Variants in PPA2 observed in about 807,000 individuals in gnomAD.
PPA2 encodes inorganic pyrophosphatase 2, mitochondrial.
In PPA2, 48 loss-of-function variants were observed where a neutral mutation model predicts 49.5. The ratio of observed to expected loss-of-function variants is 0.97; its 90% confidence interval spans 0.77 to 1.23. The LOEUF is 1.23. Among genes scored for constraint, PPA2 ranks in the 50% most tolerant of loss-of-function variants. The probability of loss-of-function intolerance (pLI) is 0.00; values close to 1 mark genes in which losing one functional copy is unlikely to be tolerated. For missense variants in PPA2, 429 were observed against 410.1 expected (o/e 1.05, Z -0.40); for synonymous variants, 131 against 139.9 (o/e 0.94, Z 0.45).
At chr4:105,378,517 A>G (rs1331815640) in intron 10 of PPA2, among the ~76,000 whole-genome samples, 2 of 152,098 alleles carry the variant, frequency 1.3e-5, no homozygotes, top group Non-Finnish European at 2.9e-5. Flanking sequence ...TAATTTTCAA[A>G]TATTTTCTTG....
intron 5 of PPA2, among the ~76,000 whole-genome samples, chr4:105,445,848 G>A (rs1722358518): frequency 6.6e-6 from 1 of 151,976 alleles, no homozygotes. Flanking sequence ...TTCTCCAACA[G>A]GAATGCTACC....
At chr4:105,455,368 C>T (rs1215267353) in intron 2 of PPA2, among the ~76,000 whole-genome samples, 1 of 152,112 alleles carries the variant, frequency 6.6e-6, no homozygotes, top group Non-Finnish European at 1.5e-5. Context: ...TTCCTTTTGC[C>T]TCTGGTTTCC....
rs527248998 is a variant in PPA2, at chr4:105,389,264, T to A, written c.870-2628A>T. 7.9e-5 allele frequency among the ~76,000 whole-genome samples: 12 copies of A among 152,258 alleles called. No individual in the cohort carries two copies. In the South Asian group the frequency reaches 2.5e-3, roughly 32 times the overall value. ...TTTGCCAAATCAAAAAATCACACTA[T>A]GTGTCAGGGACTCTTCTAGACGCTG... is the stretch of plus-strand genomic sequence containing the variant. On this transcript the variant is annotated intron_variant, in intron 9 of 11. Coordinates refer to ENST00000341695, the MANE Select transcript of PPA2 (RefSeq NM_176869.3).
chr4:105,407,077 A>C (rs1322075225), intron 7 of PPA2: 1 of 146,012 alleles, frequency 6.8e-6, no homozygotes, highest in East Asian at 2.1e-4. Flanking sequence ...AAATTCGTGA[A>C]GTGTTCCATA....
intron 9 of PPA2, among the ~76,000 whole-genome samples, chr4:105,394,497 A>G (rs1734056311): frequency 6.6e-6 from 1 of 152,092 alleles, no homozygotes; most frequent in Admixed American, 6.5e-5. Flanking sequence ...CTTCATGTGT[A>G]AAATGGAGAT....
At chr4:105,435,930 C>A (rs1395162064) in intron 6 of PPA2, among the ~76,000 whole-genome samples, 1 of 152,010 alleles carries the variant, frequency 6.6e-6, no homozygotes, top group Non-Finnish European at 1.5e-5. Flanking sequence ...CACTCCCATT[C>A]AACATAGTAC....
chr4:105,423,311 A>C (rs1478703967), intron 7 of PPA2: 2 of 152,176 alleles, frequency 1.3e-5, no homozygotes, highest in Non-Finnish European at 2.9e-5. Context: ...TACATTGTTA[A>C]TGAGGTTCAG....
At chr4:105,429,376 G>A (rs375918022) in intron 6 of PPA2, among the ~76,000 whole-genome samples, 1 of 150,846 alleles carries the variant, frequency 6.6e-6, no homozygotes, top group Admixed American at 6.6e-5. Context: ...TATCATCAAT[G>A]AGTCTGAGAT....
intron 5 of PPA2, among the ~76,000 whole-genome samples, chr4:105,441,290 G>C (rs1206706940): frequency 6.6e-6 from 1 of 152,116 alleles, no homozygotes; most frequent in African/African-American, 2.4e-5. Context: ...ATGGGTTGAA[G>C]ATATGAACAG....
In PPA2 at chr4:105,455,231, AG is replaced by A. The variant is rs147370985; in HGVS notation, c.222+1449del. On this transcript the variant is annotated intron_variant, in intron 2 of 11. Coordinates refer to ENST00000341695, the MANE Select transcript of PPA2 (RefSeq NM_176869.3). Reference sequence around the variant, plus strand: ...GTGAATGCATGCACTTTTAGCCAAAAGCAAAGAAAAGTGTTGGGAGACATGA... The same window carrying A: ...GTGAATGCATGCACTTTTAGCCAAAACAAAGAAAAGTGTTGGGAGACATGA... Among the ~76,000 whole-genome samples, 584 of 152,356 alleles carry A rather than the reference AG, an allele frequency of 3.8e-3. 2 individuals are homozygous for A. The highest frequency in any genetic ancestry group is 0.013 in the African/African-American group (553 of 41,572).
intron 9 of PPA2, among the ~76,000 whole-genome samples, chr4:105,393,251 T>G (rs1733995867): frequency 6.6e-6 from 1 of 152,004 alleles, no homozygotes; most frequent in South Asian, 2.1e-4. Flanking sequence ...CCCAGCACTT[T>G]GGGAGGCTGA....
At chr4:105,387,652 A>G (rs1733737270) in intron 9 of PPA2, among the ~76,000 whole-genome samples, 1 of 152,150 alleles carries the variant, frequency 6.6e-6, no homozygotes, top group African/African-American at 2.4e-5. Context: ...CATGAATAGA[A>G]TCTGATGAAA....
chr4:105,384,980 C>T (rs1190560065), intron 10 of PPA2, among the ~76,000 whole-genome samples: 2 of 152,202 alleles, frequency 1.3e-5, no homozygotes, highest in Non-Finnish European at 2.9e-5. Flanking sequence ...ACTTTCTCTA[C>T]TCTACCAGTC....
At chr4:105,376,394 A>G (rs1243168832) in intron 10 of PPA2, among the ~76,000 whole-genome samples, 1 of 152,216 alleles carries the variant, frequency 6.6e-6, no homozygotes, top group African/African-American at 2.4e-5. Flanking sequence ...TAATACATTT[A>G]TATTGAAGTT....
chr4:105,458,762 C>T (rs75955714), intron 1 of PPA2, among the ~76,000 whole-genome samples: 6,246 of 128,558 alleles, frequency 0.049, 274 homozygotes, highest in East Asian at 0.27. Flanking sequence ...GCGGAGGTTG[C>T]GGTGAGCCGA....
chr4:105,378,705 T>C (rs1186948205), intron 10 of PPA2, among the ~76,000 whole-genome samples: 3 of 152,116 alleles, frequency 2.0e-5, no homozygotes, highest in Non-Finnish European at 2.9e-5. Flanking sequence ...TAAATTTAGG[T>C]CTAGGATCCA....
chr4:105,410,902 C>G (rs2110250052), intron 7 of PPA2, among the ~76,000 whole-genome samples: 1 of 152,336 alleles, frequency 6.6e-6, no homozygotes, highest in African/African-American at 2.4e-5. Context: ...CTTACAAGAG[C>G]TCCTGAAGGA....
chr4:105,444,920 T>C (rs1724534184), intron 5 of PPA2, among the ~76,000 whole-genome samples: 1 of 152,102 alleles, frequency 6.6e-6, no homozygotes, highest in Non-Finnish European at 1.5e-5. Context: ...AACACAAAGA[T>C]AAGAAGTAGA....
intron 9 of PPA2, among the ~76,000 whole-genome samples, chr4:105,392,475 C>T (rs970679245): frequency 3.3e-5 from 5 of 151,950 alleles, no homozygotes; most frequent in Non-Finnish European, 7.4e-5. Context: ...GAGTTTGAGA[C>T]CAGCCTGGCC....
Sources: allele counts gnomAD v4.1 joint callset (sites outside exome capture counted in the v4.1 genomes callset), GRCh38; gene constraint gnomAD v4.1.1; transcripts MANE v1.5; gene names NCBI Gene and HGNC (gene_info 2026-07-23, HGNC 2026-07-21).